The following DLG2 variants were observed in gnomAD, a reference collection of about 807,000 sequenced individuals.
DLG2 encodes disks large homolog 2.
In DLG2, 45 loss-of-function variants were observed where a neutral mutation model predicts 132.5. The observed-to-expected ratio is 0.34, with a 90% CI of 0.27 to 0.44. The LOEUF (loss-of-function observed/expected upper bound fraction) is 0.44, where lower values mean the gene tolerates loss of function less well. DLG2 is among the 20% of genes least tolerant of loss of function. The pLI is 1.00. For missense variants in DLG2, 1,045 were observed against 1,196.9 expected (o/e 0.87, Z 1.87); for synonymous variants, 424 against 419.6 (o/e 1.01, Z -0.13).
intron 7 of DLG2, among the ~76,000 whole-genome samples, chr11:84,350,153 G>C (rs2098556579): frequency 6.7e-6 from 1 of 149,082 alleles, no homozygotes; most frequent in South Asian, 2.1e-4. Flanking sequence ...ACTCCAGCCT[G>C]GGCGACAGAG....
chr11:84,984,656 T>C (rs1014788163), intron 6 of DLG2, among the ~76,000 whole-genome samples: 2 of 151,032 alleles, frequency 1.3e-5, no homozygotes, highest in Non-Finnish European at 2.9e-5. Flanking sequence ...AATACTAACA[T>C]TGAATGTAAA....
At chr11:85,001,764 G>A (rs982363257) in intron 6 of DLG2, among the ~76,000 whole-genome samples, 1 of 152,082 alleles carries the variant, frequency 6.6e-6, no homozygotes, top group Non-Finnish European at 1.5e-5. Context: ...ATTGACTTTG[G>A]GTGATAACGA....
intron 6 of DLG2, among the ~76,000 whole-genome samples, chr11:84,711,029 TATAG>T (rs1555179082): frequency 0.15 from 20,202 of 135,260 alleles, 2,185 homozygotes; most frequent in African/African-American, 0.32. Flanking sequence ...TATATATATA[TATAG>T]AGCTGAAAAA....
chr11:85,485,023 T>TA (rs1459753829), intron 3 of DLG2, among the ~76,000 whole-genome samples: 26 of 152,284 alleles, frequency 1.7e-4, no homozygotes, highest in South Asian at 1.5e-3. Context: ...TATGCAGCCA[T>TA]AAAAAATGAT....
intron 6 of DLG2, among the ~76,000 whole-genome samples, chr11:85,014,211 C>G (rs547102175): frequency 6.6e-6 from 1 of 152,124 alleles, no homozygotes; most frequent in Admixed American, 6.6e-5. Flanking sequence ...CTTTTCTGAG[C>G]CTTAATTTCT....
chr11:85,019,107 A>C (rs1283797956), intron 6 of DLG2, among the ~76,000 whole-genome samples: 1 of 152,218 alleles, frequency 6.6e-6, no homozygotes, highest in Non-Finnish European at 1.5e-5. Context: ...TAGGGAAGAA[A>C]CTACTGAACT....
intron 14 of DLG2, among the ~76,000 whole-genome samples, chr11:83,955,170 A>T (rs2086519251): frequency 6.6e-6 from 1 of 152,180 alleles, no homozygotes; most frequent in African/African-American, 2.4e-5. Context: ...TTATTGTCAC[A>T]ACAAACCTAT....
chr11:84,758,303 G>A (rs2067161598), intron 6 of DLG2, among the ~76,000 whole-genome samples: 1 of 152,232 alleles, frequency 6.6e-6, no homozygotes, highest in South Asian at 2.1e-4. Flanking sequence ...TTTACAGGCA[G>A]CTGTAGAGCT....
chr11:85,231,967 C>A (rs1200419092), intron 4 of DLG2, among the ~76,000 whole-genome samples: 1 of 151,834 alleles, frequency 6.6e-6, no homozygotes, highest in East Asian at 1.9e-4. Flanking sequence ...TTCAACAAGA[C>A]TAGGCAGTAT....
chr11:83,692,760 A>G (rs778850045), intron 18 of DLG2, among the ~76,000 whole-genome samples: 5 of 152,168 alleles, frequency 3.3e-5, no homozygotes, highest in Non-Finnish European at 5.9e-5. Context: ...CACCAAACTC[A>G]TTTCCTCTTC....
Position 85,501,293 on chromosome 11 carries a change from T to A in DLG2, c.40+97364A>T, listed in dbSNP as rs184509825. Among the ~76,000 whole-genome samples the A allele has an allele frequency of 5.3e-3, 814 of 152,202 alleles. 5 individuals are homozygous for A. Among genetic ancestry groups the A allele is most frequent in the African/African-American group, 0.019 (778 of 41,524 alleles). ...TCAACATGGACCAAAGACTTAAACA[T>A]AAGACCTAGGACCATAAAAATCCTA... On this transcript the variant is annotated intron_variant, in intron 3 of 27. Coordinates refer to ENST00000376104, the MANE Select transcript of DLG2 (RefSeq NM_001142699.3).
At chr11:83,697,922 T>G (rs2153635469) in intron 18 of DLG2, among the ~76,000 whole-genome samples, 1 of 152,262 alleles carries the variant, frequency 6.6e-6, no homozygotes, top group South Asian at 2.1e-4. Context: ...TTGCAATGGG[T>G]TTGGCTCATG....
chr11:84,177,049 A>G (rs905837532), intron 8 of DLG2, among the ~76,000 whole-genome samples: 1 of 152,174 alleles, frequency 6.6e-6, no homozygotes, highest in Non-Finnish European at 1.5e-5. Context: ...AATATAGTAA[A>G]CAAATGTTAA....
intron 3 of DLG2, among the ~76,000 whole-genome samples, chr11:85,590,199 A>C (rs2079223868): frequency 6.6e-6 from 1 of 152,166 alleles, no homozygotes. Flanking sequence ...GTATTTTTTC[A>C]AATGAAAGAA....
intron 6 of DLG2, among the ~76,000 whole-genome samples, chr11:84,962,571 C>A (rs928134971): frequency 2.0e-5 from 3 of 152,148 alleles, no homozygotes; most frequent in African/African-American, 7.2e-5. Context: ...GTGTTCATGT[C>A]CCTAGCACAA....
At chr11:85,084,554 CT>C (rs2067660802) in intron 6 of DLG2, among the ~76,000 whole-genome samples, 1 of 151,680 alleles carries the variant, frequency 6.6e-6, no homozygotes, top group African/African-American at 2.4e-5. Flanking sequence ...CAGAGTCCCC[CT>C]GATATGAGTA....
intron 14 of DLG2, 148 bp from the exon 15 acceptor site, chr11:83,930,631 G>GTAAC (rs531732622): frequency 5.6e-5 from 45 of 805,310 alleles, no homozygotes; most frequent in Non-Finnish European, 7.0e-5. Flanking sequence ...TTTTCCACTT[G>GTAAC]TAACTTTTCT....
At chr11:84,217,057 A>G (rs1288226157) in intron 8 of DLG2, among the ~76,000 whole-genome samples, 3 of 152,230 alleles carry the variant, frequency 2.0e-5, no homozygotes, top group Non-Finnish European at 2.9e-5. Context: ...TCAATAGATA[A>G]GACTTAGCAG....
chr11:83,828,611 T>A (rs1275000884), intron 17 of DLG2, among the ~76,000 whole-genome samples: 1 of 152,192 alleles, frequency 6.6e-6, no homozygotes, highest in Non-Finnish European at 1.5e-5. Flanking sequence ...ATTACAATCC[T>A]GCTGTTTCAG....
Sources: gnomAD v4.1 joint callset for allele counts (sites outside exome capture counted in the v4.1 genomes callset) on GRCh38, gnomAD v4.1.1 for gene constraint, MANE v1.5 for transcripts, NCBI Gene and HGNC (gene_info 2026-07-23, HGNC 2026-07-21) for gene names.